The following PTPRN2 variants were observed in gnomAD, a reference collection of about 807,000 sequenced individuals.
PTPRN2 encodes receptor-type tyrosine-protein phosphatase N2.
A neutral mutation model predicts 118.8 loss-of-function variants in PTPRN2; 74 were observed. The observed-to-expected ratio is 0.62, with a 90% CI of 0.52 to 0.76. PTPRN2 has a LOEUF of 0.76. PTPRN2 is among the 30% of genes least tolerant of loss of function. The pLI, the probability that PTPRN2 is intolerant of heterozygous loss-of-function variation, is 0.00. For synonymous variants in PTPRN2, 641 were observed against 608.0 expected, an observed-to-expected ratio of 1.05 and a Z score of -0.80; for missense variants, 1,481 against 1,394.4, an observed-to-expected ratio of 1.06 and a Z score of -0.99.
At chr7:158,359,095 G>A (rs1808623947) in intron 2 of PTPRN2, among the ~76,000 whole-genome samples, 1 of 152,196 alleles carries the variant, frequency 6.6e-6, no homozygotes, top group African/African-American at 2.4e-5. Flanking sequence ...CCAACCACAG[G>A]AAGGCAGGCA....
chr7:157,754,238 T>TG (rs1294229434), intron 12 of PTPRN2, among the ~76,000 whole-genome samples: 1 of 152,200 alleles, frequency 6.6e-6, no homozygotes, highest in Non-Finnish European at 1.5e-5. Flanking sequence ...TGAGTCCGTG[T>TG]GGGGAATGTG....
At chr7:158,079,838 C>T (rs527257926) in intron 11 of PTPRN2, among the ~76,000 whole-genome samples, 28 of 152,244 alleles carry the variant, frequency 1.8e-4, no homozygotes, top group Middle Eastern at 3.4e-3. Context: ...ATGCTGGGAC[C>T]GCACTGGACC....
chr7:158,089,545 GA>G (rs2128942020), intron 10 of PTPRN2, among the ~76,000 whole-genome samples: 1 of 126,254 alleles, frequency 7.9e-6, no homozygotes, highest in Admixed American at 7.8e-5. Context: ...ATGAAAGAGG[GA>G]GTCTTCACAC....
chr7:158,421,690 T>C (rs1407682144), intron 2 of PTPRN2, among the ~76,000 whole-genome samples: 2 of 152,154 alleles, frequency 1.3e-5, no homozygotes, highest in Non-Finnish European at 2.9e-5. Context: ...GAAAGAAAAA[T>C]GAAGCTGAAT....
At chr7:158,155,793 A>C (rs374403852) in intron 6 of PTPRN2, among the ~76,000 whole-genome samples, 1 of 124,084 alleles carries the variant, frequency 8.1e-6, no homozygotes, top group Admixed American at 8.5e-5. Flanking sequence ...ACCATCATCA[A>C]CACCATCATC....
At chr7:158,444,421 A>G (rs1817586060) in intron 2 of PTPRN2, among the ~76,000 whole-genome samples, 1 of 152,152 alleles carries the variant, frequency 6.6e-6, no homozygotes, top group Non-Finnish European at 1.5e-5. Context: ...ACCTGATTTG[A>G]CTTCACTCAA....
chr7:158,395,347 C>T (rs1462195801), intron 2 of PTPRN2, among the ~76,000 whole-genome samples: 2 of 8,020 alleles, frequency 2.5e-4, no homozygotes, highest in Admixed American at 1.3e-3. Flanking sequence ...GCGCGAGGGG[C>T]CAGGGGCCAG....
intron 11 of PTPRN2, among the ~76,000 whole-genome samples, chr7:158,053,220 G>C (rs1470797976): frequency 6.6e-6 from 1 of 152,172 alleles, no homozygotes; most frequent in Non-Finnish European, 1.5e-5. Flanking sequence ...TTCATGGTTG[G>C]GCCATCTGCA....
At chr7:158,251,630 GTC>G in intron 3 of PTPRN2, among the ~76,000 whole-genome samples, 2 of 120,568 alleles carry the variant, frequency 1.7e-5, no homozygotes, top group Admixed American at 1.0e-4. Flanking sequence ...TGCAATGGAT[GTC>G]TATGGTGCAC....
At chr7:158,401,209 T>G (rs1276300589) in intron 2 of PTPRN2, among the ~76,000 whole-genome samples, 2 of 120,312 alleles carry the variant, frequency 1.7e-5, no homozygotes, top group African/African-American at 6.6e-5. Context: ...TCCAAGCCCC[T>G]CAGACCCAGG....
intron 1 of PTPRN2, among the ~76,000 whole-genome samples, chr7:158,550,747 T>C (rs1225252484): frequency 6.6e-6 from 1 of 152,264 alleles, no homozygotes; most frequent in Non-Finnish European, 1.5e-5. Context: ...GCGTCGTTAA[T>C]GGGCTGGGAC....
chr7:157,539,850 C>G lies in PTPRN2; in HGVS notation c.*864G>C, dbSNP rs1797934212. The G allele has an allele frequency of 6.6e-6, 1 of 152,296 alleles. No homozygotes were observed. Among genetic ancestry groups the G allele is most frequent in the Non-Finnish European group, 1.5e-5 (1 of 68,090 alleles). 9.4% of individuals were successfully genotyped at this position (152,296 alleles called of 1,614,324 possible). ...GGGGCCTGGCAGGGTTCGTGTGCTC[C>G]CGGGGACCCTCATAGCTTGCTCAAT... On this transcript the variant is annotated 3_prime_UTR_variant, in exon 23 of 23. Transcript: ENST00000389418.
chr7:157,725,515 C>G (rs1201255004), intron 12 of PTPRN2, among the ~76,000 whole-genome samples: 19 of 24,030 alleles, frequency 7.9e-4, no homozygotes, highest in African/African-American at 1.7e-3. Context: ...ACGCAGAGGA[C>G]GGCGGCCAGA....
chr7:157,698,911 A>C (rs1797937782), intron 12 of PTPRN2, among the ~76,000 whole-genome samples: 1 of 152,250 alleles, frequency 6.6e-6, no homozygotes, highest in African/African-American at 2.4e-5. Flanking sequence ...GTTTGTAAGA[A>C]AGACTCATTA....
chr7:157,754,322 T>G (rs1408338827), intron 12 of PTPRN2, among the ~76,000 whole-genome samples: 2 of 152,234 alleles, frequency 1.3e-5, no homozygotes, highest in African/African-American at 4.8e-5. Context: ...TTCTCCAGCA[T>G]GGGCCTGTCT....
At chr7:158,145,939 T>A (rs917613419) in intron 6 of PTPRN2, among the ~76,000 whole-genome samples, 1 of 152,220 alleles carries the variant, frequency 6.6e-6, no homozygotes, top group African/African-American at 2.4e-5. Context: ...ATGCCTCAGT[T>A]TCCATATCTG....
intron 2 of PTPRN2, among the ~76,000 whole-genome samples, chr7:158,366,595 G>A (rs994154784): frequency 6.6e-6 from 1 of 152,186 alleles, no homozygotes; most frequent in African/African-American, 2.4e-5. Flanking sequence ...TTCCCCGAAC[G>A]CAGAGCCCCG....
intron 11 of PTPRN2, among the ~76,000 whole-genome samples, chr7:158,074,536 C>G (rs992022082): frequency 6.6e-6 from 1 of 152,206 alleles, no homozygotes; most frequent in African/African-American, 2.4e-5. Flanking sequence ...TTTATCTAGG[C>G]TGCTCCCAAA....
In PTPRN2 at chr7:158,056,300, G is replaced by A. The variant is rs565355651; in HGVS notation, c.1723+24998C>T. ...GCATGGCCACCAGGCACTCCCCGGG[G>A]CCTCATCCACACAGAGGCCGGGAGC... is the stretch of plus-strand genomic sequence containing the variant. On this transcript the variant is annotated intron_variant, in intron 11 of 22. Coordinates refer to ENST00000389418, the MANE Select transcript of PTPRN2 (RefSeq NM_002847.5). Among the ~76,000 whole-genome samples, 11 of 152,192 alleles carry A rather than the reference G, an allele frequency of 7.2e-5. No individual in the cohort carries two copies. The South Asian group carries it at 1.2e-3, about 17-fold the overall frequency.
Sources: allele counts gnomAD v4.1 joint callset (sites outside exome capture counted in the v4.1 genomes callset), GRCh38; gene constraint gnomAD v4.1.1; transcripts MANE v1.5; gene names NCBI Gene and HGNC (gene_info 2026-07-23, HGNC 2026-07-21).